SFRP1: variants seen among roughly 807,000 people sequenced by gnomAD.
SFRP1 encodes secreted frizzled-related protein 1.
A neutral mutation model predicts 25.9 loss-of-function variants in SFRP1; 9 were observed. The ratio of observed to expected loss-of-function variants is 0.35; its 90% CI spans 0.21 to 0.61. The LOEUF is 0.61. SFRP1 is among the 20% of genes least tolerant of loss of function. SFRP1 has a pLI of 0.78. For synonymous variants in SFRP1, 178 were observed against 174.0 expected (o/e 1.02, Z -0.18); for missense variants, 346 against 418.2 (o/e 0.83, Z 1.51).
chr8:41,300,673 G>A (rs532765238), intron 2 of SFRP1, among the ~76,000 whole-genome samples: 2 of 152,350 alleles, frequency 1.3e-5, no homozygotes, highest in Non-Finnish European at 2.9e-5. Context: ...TTAACAGCAG[G>A]ATGATTAGTG....
At chr8:41,280,496 G>A (rs948634137) in intron 2 of SFRP1, among the ~76,000 whole-genome samples, 25 of 152,288 alleles carry the variant, frequency 1.6e-4, no homozygotes, top group African/African-American at 5.3e-4. Flanking sequence ...CCCTGACTCC[G>A]GCTTCCAGGT....
intron 2 of SFRP1, among the ~76,000 whole-genome samples, chr8:41,267,991 C>T (rs932960864): frequency 5.3e-5 from 8 of 152,230 alleles, no homozygotes; most frequent in African/African-American, 1.9e-4. Context: ...AGAGACTTCT[C>T]TGGCAAAGGA....
At chr8:41,268,221 G>A (rs1288483875) in intron 2 of SFRP1, among the ~76,000 whole-genome samples, 2 of 152,110 alleles carry the variant, frequency 1.3e-5, no homozygotes, top group African/African-American at 4.8e-5. Context: ...CAGCAACCAT[G>A]TTAAGAAGGC....
At chr8:41,278,250 A>G (rs7843510) in intron 2 of SFRP1, among the ~76,000 whole-genome samples, 77,191 of 151,910 alleles carry the variant, frequency 0.51, 20,792 homozygotes, top group African/African-American at 0.7. Context: ...TGCTTGCAAA[A>G]TCAAGAAAAC....
At chr8:41,285,562 C>T (rs562654147) in intron 2 of SFRP1, among the ~76,000 whole-genome samples, 2 of 152,190 alleles carry the variant, frequency 1.3e-5, no homozygotes, top group African/African-American at 2.4e-5. Flanking sequence ...AAAAGAAATG[C>T]GGCTGCAGTA....
At position 41,309,072 on chromosome 8, in the gene SFRP1, A is replaced by T. The variant is rs757738974; in HGVS notation, c.88T>A (p.Ser30Thr). The T allele has an allele frequency of 5.0e-6, 8 of 1,599,008 alleles. No individual in the cohort carries two copies. In the Admixed American group the frequency reaches 1.3e-4, roughly 27 times the overall value. The change falls in exon 1 of 3, where the codon TCG becomes ACG. Residue 30 changes from serine (S) to threonine (T), a missense_variant. Transcript: ENST00000220772. ...ALGAALLAVG[S>T]ASEYDYVSFQ... ...CTCACGTAGTCGTACTCGCTGGCCGAGCCCACGGCCAGAAGCGCCGCGCCC... is the reference window on the plus strand; with the variant it reads ...CTCACGTAGTCGTACTCGCTGGCCGTGCCCACGGCCAGAAGCGCCGCGCCC...
chr8:41,273,494 T>A (rs1803536545), intron 2 of SFRP1, among the ~76,000 whole-genome samples: 1 of 152,056 alleles, frequency 6.6e-6, no homozygotes, highest in African/African-American at 2.4e-5. Flanking sequence ...AAAAAAGGCA[T>A]TATTAATGTT....
At chr8:41,284,067 C>A (rs1803668583) in intron 2 of SFRP1, among the ~76,000 whole-genome samples, 1 of 152,170 alleles carries the variant, frequency 6.6e-6, no homozygotes, top group Admixed American at 6.5e-5. Context: ...TTAAGATTGT[C>A]AGCAAGTAGG....
chr8:41,297,824 T>C (rs1029496804), intron 2 of SFRP1, among the ~76,000 whole-genome samples: 7 of 151,944 alleles, frequency 4.6e-5, no homozygotes, highest in African/African-American at 1.7e-4. Context: ...GCTCCTTCCG[T>C]GTGCTGGGCA....
intron 2 of SFRP1, among the ~76,000 whole-genome samples, chr8:41,290,245 C>T (rs1803758986): frequency 6.6e-6 from 1 of 152,218 alleles, no homozygotes; most frequent in South Asian, 2.1e-4. Flanking sequence ...CCCACGTGCA[C>T]AGAGGCATAA....
Position 41,287,466 on chromosome 8 carries a change from C to A in SFRP1, c.622+15995G>T, listed in dbSNP as rs1803719657. Among the ~76,000 whole-genome samples the A allele has an allele frequency of 2.6e-5, 4 of 152,230 alleles. No individual in the cohort carries two copies. In the South Asian group the frequency reaches 8.3e-4, roughly 31 times the overall value. ...AAGAGCACCAGGTCATGTGCCACTG[C>A]AGGCTGGTGGCCCCGATGCATCCAT... On this transcript the variant is annotated intron_variant, in intron 2 of 2. Transcript: ENST00000220772.
intron 2 of SFRP1, among the ~76,000 whole-genome samples, chr8:41,269,032 G>A (rs1803470355): frequency 6.6e-6 from 1 of 152,244 alleles, no homozygotes; most frequent in African/African-American, 2.4e-5. Flanking sequence ...CCATCCGACT[G>A]CAGGCCTGGT....
At chr8:41,291,188 A>T (rs370747021) in intron 2 of SFRP1, among the ~76,000 whole-genome samples, 1 of 151,898 alleles carries the variant, frequency 6.6e-6, no homozygotes, top group Non-Finnish European at 1.5e-5. Context: ...GATTACAGGC[A>T]TGAGTCACCA....
intron 2 of SFRP1, among the ~76,000 whole-genome samples, chr8:41,285,807 G>A (rs919686053): frequency 1.7e-4 from 26 of 152,254 alleles, no homozygotes; most frequent in Non-Finnish European, 3.2e-4. Flanking sequence ...TAGCTCGAGC[G>A]GGATGGAGGC....
chr8:41,285,735 T>C (rs2117498922), intron 2 of SFRP1, among the ~76,000 whole-genome samples: 1 of 152,286 alleles, frequency 6.6e-6, no homozygotes, highest in East Asian at 1.9e-4. Context: ...GCCCCTGCCA[T>C]GCCTCCTCTG....
At chr8:41,271,302 G>A (rs1378318891) in intron 2 of SFRP1, 1 of 154,080 alleles carries the variant, frequency 6.5e-6, no homozygotes, top group Non-Finnish European at 1.5e-5. Flanking sequence ...GCCTCCAAAT[G>A]TGAATGGCAG....
rs115907930 is a variant in SFRP1 at position 41,302,318 on chromosome 8, G to A, written c.622+1143C>T. On this transcript the variant is annotated intron_variant, in intron 2 of 2. Coordinates refer to ENST00000220772, the MANE Select transcript of SFRP1 (RefSeq NM_003012.5). ...TCCACAATTGCAATACCCTGAGAATGACCCTGTCGTGAGGCATGATTCCCT... is the reference window on the plus strand; with the variant it reads ...TCCACAATTGCAATACCCTGAGAATAACCCTGTCGTGAGGCATGATTCCCT... 5.3e-3 allele frequency among the ~76,000 whole-genome samples: 811 copies of A among 152,280 alleles called. 8 individuals are homozygous for A. The highest frequency in any genetic ancestry group is 0.019 in the African/African-American group (780 of 41,540).
intron 1 of SFRP1, chr8:41,306,769 C>T (rs1475684771): frequency 1.3e-6 from 2 of 1,598,028 alleles, no homozygotes; most frequent in Non-Finnish European, 1.7e-6. Context: ...GGTTCCAAGC[C>T]AGGCTGAGAA....
At chr8:41,306,931 T>A (rs916769188) in intron 1 of SFRP1, 4 of 1,553,588 alleles carry the variant, frequency 2.6e-6, no homozygotes, top group African/African-American at 1.4e-5. Flanking sequence ...CCCCCCATGT[T>A]CCCTGTGGAC....
Sources: allele counts gnomAD v4.1 joint callset (sites outside exome capture counted in the v4.1 genomes callset), GRCh38; gene constraint gnomAD v4.1.1; transcripts MANE v1.5; gene names NCBI Gene and HGNC (gene_info 2026-07-23, HGNC 2026-07-21).